RFX7: variants seen among roughly 807,000 people sequenced by gnomAD.
RFX7 encodes regulatory factor X7, also known as DNA-binding protein RFX7.
RFX7 carries 26 observed loss-of-function variants against 111.8 expected under a neutral mutation model. The observed-to-expected ratio is 0.23, with a 90% CI of 0.17 to 0.32. The LOEUF (loss-of-function observed/expected upper bound fraction) is 0.32. RFX7 is among the 10% of genes least tolerant of loss of function. The pLI is 1.00. For synonymous variants in RFX7, 624 were observed against 624.4 expected (o/e 1.00, Z 0.01); for missense variants, 1,573 against 1,772.9 (o/e 0.89, Z 2.02).
At chr15:56,243,018 G>T in intron 2 of RFX7, 107 bp downstream of exon 2, 1 of 763,558 alleles carries the variant, frequency 1.3e-6, no homozygotes, top group Non-Finnish European at 2.0e-6. Context: ...CACATTCAAT[G>T]AATGCATCAG....
rs559328744 is a variant in RFX7 at position 56,189,885 on chromosome 15, T to C, written c.162-10582A>G. On this transcript the variant is annotated intron_variant, in intron 2 of 9. Transcript: ENST00000559447. Reference sequence around the variant, plus strand: ...AAACTAGATGTCCACAAAACAGATGTTGAAGAAAAAGAATGTTCATAGCAT... The same window carrying C: ...AAACTAGATGTCCACAAAACAGATGCTGAAGAAAAAGAATGTTCATAGCAT... The C allele has an allele frequency of 4.6e-5, 7 of 152,340 alleles. No homozygotes were observed. The East Asian group carries it at 1.2e-3, about 25-fold the overall frequency. 9.4% of individuals were successfully genotyped at this position (152,340 alleles called of 1,614,324 possible). A position where few individuals can be genotyped will look rare whatever the true frequency, so the allele number is the denominator to read the frequency against.
At chr15:56,109,109 T>C (rs1319248730) in intron 5 of RFX7, among the ~76,000 whole-genome samples, 1 of 152,346 alleles carries the variant, frequency 6.6e-6, no homozygotes, top group East Asian at 1.9e-4. Context: ...GAAGCTGGAC[T>C]GTACTGCTGC....
At chr15:56,230,487 A>G (rs1308811274) in intron 2 of RFX7, among the ~76,000 whole-genome samples, 1 of 152,248 alleles carries the variant, frequency 6.6e-6, no homozygotes, top group East Asian at 1.9e-4. Context: ...GTTTTGGGAG[A>G]AAATTACCAC....
chr15:56,098,192 C>G lies in RFX7; in HGVS notation c.996G>C (p.Lys332Asn), dbSNP rs1163556309. Residue 332 changes from lysine to asparagine, a missense_variant, in exon 9 of 10, where the codon AAG becomes AAC. Lys to Asn is a moderately conservative substitution (Grantham distance 94). This residue lies in a region of RFX7 where 288 missense variants were observed against 337.9 expected (regional missense o/e 0.85). Coordinates refer to ENST00000559447, the MANE Select transcript of RFX7 (RefSeq NM_022841.7). The part of the protein sequence containing the change: ...SPLPGESAAK[K>N]SESATSNGVT... The stretch of plus-strand genomic sequence containing the variant: ...CTCCATTGCTTGTAGCACTTTCTGA[C>G]TTTTTTGCTGCAGATTCTCCTGGCA... 3.0e-5 allele frequency: 49 copies of G among 1,613,806 alleles called. No homozygotes were observed. Among genetic ancestry groups the G allele is most frequent in the Non-Finnish European group, 4.1e-5 (48 of 1,179,854 alleles).
intron 5 of RFX7, among the ~76,000 whole-genome samples, chr15:56,132,554 C>G (rs1403222396): frequency 6.6e-6 from 1 of 151,778 alleles, no homozygotes; most frequent in East Asian, 1.9e-4. Context: ...CAGATAGACT[C>G]AAGGCTTATA....
At chr15:56,099,842 G>T (rs1168283910) in intron 8 of RFX7, among the ~76,000 whole-genome samples, 1 of 152,024 alleles carries the variant, frequency 6.6e-6, no homozygotes, top group African/African-American at 2.4e-5. Context: ...TAATACTTTT[G>T]TTAAACTCAC....
chr15:56,142,724 A>G, intron 5 of RFX7, 54 bp downstream of exon 5: 1 of 1,508,274 alleles, frequency 6.6e-7, no homozygotes, highest in African/African-American at 1.4e-5. Flanking sequence ...ATGGCCAAGT[A>G]TAGTATTTTA....
chr15:56,158,411 T>C (rs909049477), intron 3 of RFX7, among the ~76,000 whole-genome samples: 2 of 152,220 alleles, frequency 1.3e-5, no homozygotes, highest in African/African-American at 4.8e-5. Flanking sequence ...ATCAGATCTT[T>C]GGCAGAAGAG....
At chr15:56,109,193 G>A (rs1484467830) in intron 5 of RFX7, among the ~76,000 whole-genome samples, 1 of 152,200 alleles carries the variant, frequency 6.6e-6, no homozygotes, top group Non-Finnish European at 1.5e-5. Flanking sequence ...TTGCAGGCGC[G>A]CGCCGCCACG....
intron 2 of RFX7, among the ~76,000 whole-genome samples, chr15:56,232,688 C>A (rs1328568837): frequency 6.6e-6 from 1 of 152,194 alleles, no homozygotes; most frequent in Non-Finnish European, 1.5e-5. Flanking sequence ...CCCAAGTCAC[C>A]TCTTGAACGC....
intron 3 of RFX7, among the ~76,000 whole-genome samples, chr15:56,175,495 C>A (rs147304012): frequency 1.1e-3 from 167 of 152,134 alleles, no homozygotes; most frequent in African/African-American, 4.0e-3. Context: ...TCAAGACTTT[C>A]TATAAAGCAC....
intron 5 of RFX7, among the ~76,000 whole-genome samples, chr15:56,112,038 C>G: frequency 6.6e-6 from 1 of 151,624 alleles, no homozygotes; most frequent in East Asian, 1.9e-4. Flanking sequence ...TCACTTGAAC[C>G]CAGGAGGCGG....
chr15:56,107,406 T>C (rs1184142407), intron 5 of RFX7, among the ~76,000 whole-genome samples: 1 of 151,272 alleles, frequency 6.6e-6, no homozygotes, highest in Non-Finnish European at 1.5e-5. Context: ...ATATTCAATA[T>C]GACTATGAAC....
chr15:56,100,661 T>G (rs879273092), intron 8 of RFX7, among the ~76,000 whole-genome samples: 1 of 152,206 alleles, frequency 6.6e-6, no homozygotes, highest in Non-Finnish European at 1.5e-5. Flanking sequence ...TCTAGAATAA[T>G]TTATCCACTC....
At chr15:56,135,822 C>T (rs1450485938) in intron 5 of RFX7, among the ~76,000 whole-genome samples, 1 of 151,936 alleles carries the variant, frequency 6.6e-6, no homozygotes, top group African/African-American at 2.4e-5. Flanking sequence ...CCAGTTTCAG[C>T]TTTCTACATA....
At chr15:56,142,488 T>C (rs2042413796) in intron 5 of RFX7, among the ~76,000 whole-genome samples, 1 of 152,178 alleles carries the variant, frequency 6.6e-6, no homozygotes, top group East Asian at 1.9e-4. Flanking sequence ...CTAAGAATTC[T>C]ATAGGAATCC....
chr15:56,114,689 G>T (rs1482180359), intron 5 of RFX7, among the ~76,000 whole-genome samples: 1 of 151,716 alleles, frequency 6.6e-6, no homozygotes, highest in Non-Finnish European at 1.5e-5. Context: ...AACTAAAGAA[G>T]AGTTAAATTA....
At chr15:56,111,908 A>C (rs1447826504) in intron 5 of RFX7, among the ~76,000 whole-genome samples, 2 of 151,926 alleles carry the variant, frequency 1.3e-5, no homozygotes, top group African/African-American at 4.8e-5. Context: ...CGAGGTCAGG[A>C]GGTCGAGACC....
At chr15:56,237,040 AT>A (rs2043631626) in intron 2 of RFX7, among the ~76,000 whole-genome samples, 1 of 151,882 alleles carries the variant, frequency 6.6e-6, no homozygotes, top group Non-Finnish European at 1.5e-5. Flanking sequence ...AATTCATCCA[AT>A]GAAAATGTTC....
Sources: gnomAD v4.1 joint callset for allele counts (sites outside exome capture counted in the v4.1 genomes callset) on GRCh38, gnomAD v4.1.1 for gene constraint, gnomAD v4.1.1 regional missense constraint, MANE v1.5 for transcripts, NCBI Gene and HGNC (gene_info 2026-07-23, HGNC 2026-07-21) for gene names.